Variants in EXOC6B observed in about 807,000 individuals in gnomAD.
EXOC6B encodes the protein SEC15 homolog B.
EXOC6B carries 54 observed loss-of-function variants against 113.5 expected under a neutral mutation model. That is an observed-to-expected ratio of 0.48 (90% CI 0.38 to 0.60). The LOEUF is 0.60. Among genes scored for constraint, EXOC6B ranks in the 20% least tolerant of loss-of-function variants. EXOC6B has a pLI of 0.00. For missense variants in EXOC6B, 797 were observed against 977.5 expected, an observed-to-expected ratio of 0.82 and a Z score of 2.46; for synonymous variants, 357 against 339.0, an observed-to-expected ratio of 1.05 and a Z score of -0.58.
chr2:72,773,186 G>T (rs1458980931), intron 1 of EXOC6B, among the ~76,000 whole-genome samples: 2 of 142,998 alleles, frequency 1.4e-5, no homozygotes, highest in Non-Finnish European at 3.0e-5. Flanking sequence ...GAGTGCAGTG[G>T]TGCAATCATG....
chr2:72,460,600 T>C (rs1485020627), intron 18 of EXOC6B, among the ~76,000 whole-genome samples: 1 of 152,106 alleles, frequency 6.6e-6, no homozygotes. Context: ...AGAAAACACA[T>C]GAAAAAATGC....
At chr2:72,644,592 G>C (rs184056005) in intron 6 of EXOC6B, among the ~76,000 whole-genome samples, 1 of 152,128 alleles carries the variant, frequency 6.6e-6, no homozygotes, top group Non-Finnish European at 1.5e-5. Context: ...CGGATCTCTC[G>C]ACAGAAACTC....
chr2:72,743,477 G>C (rs572021452), intron 1 of EXOC6B, among the ~76,000 whole-genome samples: 1 of 151,460 alleles, frequency 6.6e-6, no homozygotes, highest in East Asian at 1.9e-4. Context: ...GCCTCTTCCC[G>C]CCTCAAGAAT....
At chr2:72,562,496 C>G (rs1703942624) in intron 7 of EXOC6B, among the ~76,000 whole-genome samples, 1 of 152,096 alleles carries the variant, frequency 6.6e-6, no homozygotes, top group Non-Finnish European at 1.5e-5. Flanking sequence ...TCAGCTGGGG[C>G]AGAGGGAGGG....
intron 18 of EXOC6B, chr2:72,464,372 T>C (rs1423281617): frequency 4.6e-5 from 7 of 152,254 alleles, no homozygotes; most frequent in Non-Finnish European, 7.3e-5. Context: ...AGGCAGTTTT[T>C]AAAAGCTCTG....
chr2:72,464,724 T>C (rs1445079735), intron 18 of EXOC6B: 1 of 164,488 alleles, frequency 6.1e-6, no homozygotes, highest in Non-Finnish European at 1.3e-5. Flanking sequence ...ATAATTAATA[T>C]GCTTAAGAAA....
intron 18 of EXOC6B, among the ~76,000 whole-genome samples, chr2:72,383,797 C>T (rs1691832708): frequency 6.6e-6 from 1 of 152,046 alleles, no homozygotes; most frequent in Non-Finnish European, 1.5e-5. Flanking sequence ...ACCTATACAC[C>T]ATGGAATACT....
intron 20 of EXOC6B, among the ~76,000 whole-genome samples, chr2:72,213,362 T>A (rs1325857372): frequency 1.3e-5 from 2 of 152,172 alleles, no homozygotes; most frequent in Non-Finnish European, 2.9e-5. Flanking sequence ...GTCACTAAGT[T>A]TGGGGTTATC....
At chr2:72,391,059 C>T (rs1460252887) in intron 18 of EXOC6B, among the ~76,000 whole-genome samples, 4 of 152,208 alleles carry the variant, frequency 2.6e-5, no homozygotes, top group Admixed American at 2.6e-4. Context: ...CTATGCTTTG[C>T]CTGGGTTCAC....
At chr2:72,783,168 C>T (rs994370502) in intron 1 of EXOC6B, among the ~76,000 whole-genome samples, 1 of 148,560 alleles carries the variant, frequency 6.7e-6, no homozygotes, top group African/African-American at 2.5e-5. Context: ...ATACCCTTTC[C>T]AATATCTGTT....
At chr2:72,212,805 A>T (rs1680278097) in intron 20 of EXOC6B, among the ~76,000 whole-genome samples, 1 of 152,228 alleles carries the variant, frequency 6.6e-6, no homozygotes. Flanking sequence ...AATACAAAAC[A>T]GTTCTTACTA....
chr2:72,307,296 CG>C, intron 20 of EXOC6B, among the ~76,000 whole-genome samples: 1 of 152,176 alleles, frequency 6.6e-6, no homozygotes, highest in African/African-American at 2.4e-5. Flanking sequence ...TGCACTACCA[CG>C]TCCGGCTATT....
intron 6 of EXOC6B, among the ~76,000 whole-genome samples, chr2:72,604,593 G>A (rs1670634142): frequency 6.6e-6 from 1 of 152,202 alleles, no homozygotes; most frequent in South Asian, 2.1e-4. Context: ...AAATCCCAGA[G>A]AGTGATAGAA....
At chr2:72,294,289 A>G (rs1412638950) in intron 20 of EXOC6B, among the ~76,000 whole-genome samples, 1 of 152,138 alleles carries the variant, frequency 6.6e-6, no homozygotes, top group African/African-American at 2.4e-5. Context: ...TTTACCCTCC[A>G]AAGTTAATAT....
chr2:72,292,273 T>C (rs1685845713), intron 20 of EXOC6B, among the ~76,000 whole-genome samples: 1 of 151,642 alleles, frequency 6.6e-6, no homozygotes, highest in Non-Finnish European at 1.5e-5. Flanking sequence ...TACTGGTCTA[T>C]ATCAATCCAT....
intron 20 of EXOC6B, among the ~76,000 whole-genome samples, chr2:72,321,533 C>CAA (rs766214952): frequency 0.052 from 3,169 of 60,998 alleles, 107 homozygotes; most frequent in Non-Finnish European, 0.077. Flanking sequence ...GACTCCGTCT[C>CAA]AAAAAAAAAA....
At chr2:72,211,445 C>G (rs577818115) in intron 20 of EXOC6B, among the ~76,000 whole-genome samples, 1 of 152,150 alleles carries the variant, frequency 6.6e-6, no homozygotes, top group South Asian at 2.1e-4. Context: ...AGGACTAAGG[C>G]TGGGCCCTGT....
chr2:72,378,589 T>C (rs899075842), intron 19 of EXOC6B, among the ~76,000 whole-genome samples: 1 of 152,244 alleles, frequency 6.6e-6, no homozygotes, highest in Non-Finnish European at 1.5e-5. Context: ...CCTTTTACTC[T>C]GTGATGGCTG....
rs2104370237 is a variant in EXOC6B, at chr2:72,645,158, G to C, written c.670-69490C>G. Reference sequence around the variant, plus strand: ...TGCAATCCTAGTCTCCAATAAAACAGACTTTAAACCAACAAAGATCAAAAG... The same window carrying C: ...TGCAATCCTAGTCTCCAATAAAACACACTTTAAACCAACAAAGATCAAAAG... On this transcript the variant is annotated intron_variant, in intron 6 of 21. Coordinates refer to ENST00000272427, the MANE Select transcript of EXOC6B (RefSeq NM_015189.3). 2.0e-5 allele frequency among the ~76,000 whole-genome samples: 3 copies of C among 152,166 alleles called. No individual in the cohort carries two copies. In the South Asian group the frequency reaches 6.2e-4, roughly 32 times the overall value.
Sources: gnomAD v4.1 joint callset for allele counts (sites outside exome capture counted in the v4.1 genomes callset) on GRCh38, gnomAD v4.1.1 for gene constraint, MANE v1.5 for transcripts, NCBI Gene and HGNC (gene_info 2026-07-23, HGNC 2026-07-21) for gene names.